MDGA2: variants seen among roughly 807,000 people sequenced by gnomAD.
MDGA2 encodes the protein MAM domain containing glycosylphosphatidylinositol anchor 2, also known as MAM domain-containing glycosylphosphatidylinositol anchor protein 2.
A neutral mutation model predicts 117.8 loss-of-function variants in MDGA2; 40 were observed. That is an observed-to-expected ratio of 0.34 (90% confidence interval 0.26 to 0.44). The LOEUF (loss-of-function observed/expected upper bound fraction) is 0.44. Ranked by LOEUF, MDGA2 falls within the 20% of genes least tolerant of loss-of-function variation. The pLI is 1.00. For synonymous variants in MDGA2, 452 were observed against 439.0 expected (o/e 1.03, Z -0.37); for missense variants, 1,123 against 1,250.6 (o/e 0.90, Z 1.54).
intron 3 of MDGA2, among the ~76,000 whole-genome samples, chr14:47,186,491 C>T (rs1281944600): frequency 6.6e-6 from 1 of 151,742 alleles, no homozygotes; most frequent in Admixed American, 6.6e-5. Context: ...TAAAATCTAA[C>T]ATTTATAGGG....
chr14:47,492,348 T>G (rs1383234891), intron 1 of MDGA2, among the ~76,000 whole-genome samples: 1 of 152,124 alleles, frequency 6.6e-6, no homozygotes, highest in Non-Finnish European at 1.5e-5. Flanking sequence ...AAGATTTAAG[T>G]CTCTGTTTAA....
At chr14:47,230,975 T>C (rs954137919) in intron 2 of MDGA2, among the ~76,000 whole-genome samples, 23 of 152,112 alleles carry the variant, frequency 1.5e-4, no homozygotes, top group Admixed American at 1.4e-3. Context: ...TTCTTTGGAT[T>C]TTGAATAAAG....
At chr14:46,881,329 A>C (rs1882450358) in intron 11 of MDGA2, among the ~76,000 whole-genome samples, 1 of 152,156 alleles carries the variant, frequency 6.6e-6, no homozygotes, top group Non-Finnish European at 1.5e-5. Context: ...AGACAGAGTA[A>C]ACATATCATT....
chr14:47,364,411 C>A (rs1401513994), intron 1 of MDGA2, among the ~76,000 whole-genome samples: 1 of 152,128 alleles, frequency 6.6e-6, no homozygotes, highest in African/African-American at 2.4e-5. Context: ...ACTACAGGTG[C>A]CCAACACCAC....
rs1882828799 is a variant in MDGA2 at position 47,143,918 on chromosome 14, CTTTATA to C, written c.792+154_792+159del. Reference sequence around the variant, plus strand: ...ACTAACCACATAAAAATAAGTTGTCCTTTATATTTAAGTTCTCTAATCTTTAAGTCA... The same window carrying C: ...ACTAACCACATAAAAATAAGTTGTCCTTTAAGTTCTCTAATCTTTAAGTCA... On this transcript the variant is annotated intron_variant, in intron 4 of 16. Coordinates refer to ENST00000399232, the MANE Select transcript of MDGA2 (RefSeq NM_001113498.3). 2.0e-5 allele frequency among the ~76,000 whole-genome samples: 3 copies of C among 152,018 alleles called. No homozygotes were observed. In the South Asian group the frequency reaches 6.2e-4, roughly 32 times the overall value.
rs1345396584 is a variant in MDGA2, at chr14:47,675,430, A to G, written c.-634T>C. Among the ~76,000 whole-genome samples the G allele has an allele frequency of 1.3e-5, 2 of 151,950 alleles. No homozygotes were observed. The highest frequency in any genetic ancestry group is 2.9e-5 in the Non-Finnish European group (2 of 67,966). On this transcript the variant is annotated 5_prime_UTR_variant, in exon 1 of 17. Coordinates refer to ENST00000399232, the MANE Select transcript of MDGA2 (RefSeq NM_001113498.3). ...AAGAAGGAGGAGGAAAGGGTCCAAC[A>G]GGGAGCGGAGTGTGCGTCTGGAGCT...
At chr14:47,112,150 G>A (rs1881072752) in intron 5 of MDGA2, among the ~76,000 whole-genome samples, 1 of 146,436 alleles carries the variant, frequency 6.8e-6, no homozygotes, top group Admixed American at 6.7e-5. Flanking sequence ...GGAGAGGAAA[G>A]AAAGATAAAA....
chr14:47,463,809 G>A (rs763201234), intron 1 of MDGA2, among the ~76,000 whole-genome samples: 24 of 151,866 alleles, frequency 1.6e-4, no homozygotes, highest in Non-Finnish European at 2.9e-4. Flanking sequence ...TTTGCTTTTT[G>A]TTATTGTTTT....
intron 3 of MDGA2, among the ~76,000 whole-genome samples, chr14:47,158,421 A>G (rs1344339428): frequency 6.6e-6 from 1 of 151,240 alleles, no homozygotes; most frequent in Non-Finnish European, 1.5e-5. Flanking sequence ...TATAATGTAT[A>G]CAGATTTTTG....
intron 1 of MDGA2, among the ~76,000 whole-genome samples, chr14:47,397,610 T>C (rs1409896826): frequency 6.6e-6 from 1 of 152,152 alleles, no homozygotes; most frequent in African/African-American, 2.4e-5. Flanking sequence ...TAGGCAAATC[T>C]GGACATTTTC....
chr14:47,299,811 T>C (rs556906734), intron 2 of MDGA2, among the ~76,000 whole-genome samples: 1 of 152,324 alleles, frequency 6.6e-6, no homozygotes, highest in Non-Finnish European at 1.5e-5. Flanking sequence ...GCTCAAATTG[T>C]GTTTCTCTAA....
intron 1 of MDGA2, among the ~76,000 whole-genome samples, chr14:47,566,276 T>C (rs1895917435): frequency 6.6e-6 from 1 of 152,114 alleles, no homozygotes; most frequent in South Asian, 2.1e-4. Context: ...TGTATGCCCT[T>C]GAAAGGCACC....
At chr14:47,314,172 G>A (rs1889730274) in intron 1 of MDGA2, among the ~76,000 whole-genome samples, 2 of 152,194 alleles carry the variant, frequency 1.3e-5, no homozygotes, top group South Asian at 4.1e-4. Context: ...CTCTGTTTCT[G>A]TATCTGTAAA....
intron 1 of MDGA2, among the ~76,000 whole-genome samples, chr14:47,485,317 G>T (rs1396387165): frequency 6.6e-6 from 1 of 152,094 alleles, no homozygotes; most frequent in African/African-American, 2.4e-5. Flanking sequence ...GAAATCTGTG[G>T]AACTTTGAAC....
intron 1 of MDGA2, among the ~76,000 whole-genome samples, chr14:47,354,891 T>G (rs1158169965): frequency 2.0e-5 from 3 of 151,728 alleles, no homozygotes; most frequent in African/African-American, 7.3e-5. Context: ...GGTCTTTAGG[T>G]GTGTGTGGTG....
intron 1 of MDGA2, among the ~76,000 whole-genome samples, chr14:47,468,122 T>C (rs560771455): frequency 2.6e-5 from 4 of 152,218 alleles, no homozygotes; most frequent in African/African-American, 4.8e-5. Flanking sequence ...AGGCAATCAG[T>C]ACAGTGTTGC....
chr14:47,666,995 C>T (rs1388211054), intron 1 of MDGA2, among the ~76,000 whole-genome samples: 1 of 152,150 alleles, frequency 6.6e-6, no homozygotes, highest in Admixed American at 6.5e-5. Context: ...CCGAACACAT[C>T]CAAACATCAG....
At chr14:46,925,008 T>G (rs1359709741) in intron 9 of MDGA2, among the ~76,000 whole-genome samples, 1 of 152,190 alleles carries the variant, frequency 6.6e-6, no homozygotes, top group Non-Finnish European at 1.5e-5. Context: ...GGCCACCACC[T>G]ATGACTAAAA....
chr14:47,068,654 A>C (rs1209294934), intron 6 of MDGA2, among the ~76,000 whole-genome samples: 1 of 152,008 alleles, frequency 6.6e-6, no homozygotes, highest in Admixed American at 6.6e-5. Flanking sequence ...GAGAAATGAG[A>C]ATGTGTTCAG....
Sources: allele counts gnomAD v4.1 joint callset (sites outside exome capture counted in the v4.1 genomes callset), GRCh38; gene constraint gnomAD v4.1.1; transcripts MANE v1.5; gene names NCBI Gene and HGNC (gene_info 2026-07-23, HGNC 2026-07-21).